Variants in LRBA observed in about 807,000 individuals in gnomAD.
LRBA encodes LPS responsive beige-like anchor protein.
Under a neutral mutation model 330.0 loss-of-function variants are expected in LRBA, and 176 were observed. The observed-to-expected ratio is 0.53, with a 90% CI of 0.47 to 0.60. The LOEUF (loss-of-function observed/expected upper bound fraction) is 0.60, where lower values mean the gene tolerates loss of function less well. Ranked by LOEUF, LRBA falls within the 20% of genes least tolerant of loss-of-function variation. The probability of loss-of-function intolerance (pLI) is 0.00; values close to 1 mark genes in which losing one functional copy is unlikely to be tolerated. For synonymous variants in LRBA, 1,230 were observed against 1,193.0 expected (o/e 1.03, Z -0.64); for missense variants, 3,259 against 3,444.8 (o/e 0.95, Z 1.35).
intron 2 of LRBA, among the ~76,000 whole-genome samples, chr4:150,954,137 T>C (rs1299479397): frequency 6.9e-6 from 1 of 145,084 alleles, no homozygotes; most frequent in Admixed American, 6.8e-5. Context: ...AGCCGCCCCG[T>C]CGGGGAGGTG....
Position 150,949,847 on chromosome 4 carries a change from C to CA in LRBA, c.217-20783dup, listed in dbSNP as rs924380505. ...CTTATCCCTCCCTCCCTACTCCAGC[C>CA]AAAAAAAAATCAGTATATTTAATTA... On this transcript the variant is annotated intron_variant, in intron 2 of 56. Transcript: ENST00000651943. Among the ~76,000 whole-genome samples, 9 of 148,884 alleles carry CA rather than the reference C, an allele frequency of 6.0e-5. No individual in the cohort carries two copies. In the East Asian group the frequency reaches 7.8e-4, roughly 13 times the overall value.
chr4:150,666,342 T>C (rs1393731641), intron 37 of LRBA, among the ~76,000 whole-genome samples: 2 of 151,908 alleles, frequency 1.3e-5, no homozygotes, highest in African/African-American at 4.8e-5. Flanking sequence ...AGACCAGCAG[T>C]CTCTACTAAA....
intron 9 of LRBA, among the ~76,000 whole-genome samples, chr4:150,910,500 G>A (rs1176953369): frequency 6.6e-6 from 1 of 151,970 alleles, no homozygotes. Context: ...GTTTATTTCC[G>A]GACACTCTAT....
At chr4:150,419,418 T>C (rs1748261132) in intron 46 of LRBA, among the ~76,000 whole-genome samples, 1 of 152,096 alleles carries the variant, frequency 6.6e-6, no homozygotes, top group Non-Finnish European at 1.5e-5. Flanking sequence ...GCTAGTTTTC[T>C]AGGTATCACA....
intron 47 of LRBA, among the ~76,000 whole-genome samples, chr4:150,408,768 TATATC>T (rs1291141065): frequency 6.6e-6 from 1 of 152,104 alleles, no homozygotes; most frequent in East Asian, 1.9e-4. Flanking sequence ...ATTTATATAA[TATATC>T]ATATTTCACT....
chr4:150,969,738 G>A (rs968576895), intron 2 of LRBA, among the ~76,000 whole-genome samples: 4 of 152,198 alleles, frequency 2.6e-5, no homozygotes, highest in Admixed American at 2.6e-4. Context: ...CCAAAGTGCT[G>A]AGATTACAGG....
At chr4:150,301,089 G>C (rs1252205553) in intron 53 of LRBA, among the ~76,000 whole-genome samples, 1 of 151,954 alleles carries the variant, frequency 6.6e-6, no homozygotes, top group Non-Finnish European at 1.5e-5. Flanking sequence ...AGGTTTGCCT[G>C]AGATAATTGA....
intron 40 of LRBA, among the ~76,000 whole-genome samples, chr4:150,574,728 T>C (rs1217145373): frequency 6.6e-6 from 1 of 152,046 alleles, no homozygotes; most frequent in Non-Finnish European, 1.5e-5. Context: ...CAGAAAAGAT[T>C]AGATTATTCG....
At chr4:150,416,380 G>C (rs1424438433) in intron 46 of LRBA, among the ~76,000 whole-genome samples, 1 of 152,146 alleles carries the variant, frequency 6.6e-6, no homozygotes, top group Admixed American at 6.5e-5. Context: ...TTTCCAAACA[G>C]TTGAGTAAAA....
intron 47 of LRBA, among the ~76,000 whole-genome samples, chr4:150,364,775 T>C (rs954560147): frequency 6.6e-5 from 10 of 152,126 alleles, no homozygotes; most frequent in Non-Finnish European, 1.2e-4. Context: ...AACTGGAATG[T>C]AAGCTCCTAG....
chr4:150,964,658 C>T (rs978469446), intron 2 of LRBA, among the ~76,000 whole-genome samples: 12 of 151,600 alleles, frequency 7.9e-5, no homozygotes, highest in Admixed American at 5.3e-4. Context: ...ACTCCCTAAT[C>T]TCAAGTACCC....
At chr4:151,005,261 T>C (rs910935610) in intron 2 of LRBA, among the ~76,000 whole-genome samples, 5 of 151,658 alleles carry the variant, frequency 3.3e-5, no homozygotes, top group Admixed American at 1.3e-4. Flanking sequence ...CTGGCCAACA[T>C]AGTGAAAGCC....
intron 40 of LRBA, among the ~76,000 whole-genome samples, chr4:150,550,850 T>C (rs921731214): frequency 1.3e-5 from 2 of 152,216 alleles, no homozygotes; most frequent in African/African-American, 2.4e-5. Flanking sequence ...ATATCAGGGC[T>C]TCCTCATATA....
At chr4:150,507,201 T>A (rs966364272) in intron 40 of LRBA, among the ~76,000 whole-genome samples, 5 of 151,592 alleles carry the variant, frequency 3.3e-5, no homozygotes, top group African/African-American at 9.7e-5. Flanking sequence ...TACCAATGAC[T>A]TTCTTCACAG....
intron 54 of LRBA, 78 bp from the exon 55 acceptor site, chr4:150,282,724 A>C (rs566465221): frequency 9.7e-7 from 1 of 1,036,222 alleles, no homozygotes; most frequent in South Asian, 1.6e-5. Context: ...AGCACAGATC[A>C]AACAGGATTA....
At position 150,818,563 on chromosome 4, in the gene LRBA, T is replaced by C. The variant is rs752099110; in HGVS notation, c.5172-1306A>G. Among the ~76,000 whole-genome samples, 296 of 139,222 alleles carry C rather than the reference T, an allele frequency of 2.1e-3. 3 individuals are homozygous for C. The highest frequency in any genetic ancestry group is 4.2e-3 in the Admixed American group (59 of 14,016). 91.3% of individuals were successfully genotyped at this position (139,222 alleles called of 152,430 possible). On this transcript the variant is annotated intron_variant, in intron 30 of 56. Transcript: ENST00000651943. ...GTGTGTGTGTGTGTGTGTGTGTGTG[T>C]GCGTGCACGAATGTGTGTGTGTACG...
chr4:150,943,214 T>C (rs868705652), intron 2 of LRBA, among the ~76,000 whole-genome samples: 1 of 152,236 alleles, frequency 6.6e-6, no homozygotes, highest in South Asian at 2.1e-4. Context: ...AACTGTGCAG[T>C]AGACATCTTG....
chr4:150,903,881 C>G (rs1662766145), intron 13 of LRBA, among the ~76,000 whole-genome samples: 1 of 152,158 alleles, frequency 6.6e-6, no homozygotes, highest in Non-Finnish European at 1.5e-5. Context: ...GTCTTTCCCA[C>G]TAAATCTAAA....
intron 26 of LRBA, 92 bp from the exon 27 acceptor site, chr4:150,844,871 A>AT: frequency 9.8e-7 from 1 of 1,024,872 alleles, no homozygotes; most frequent in Non-Finnish European, 1.5e-6. Context: ...TATGATTTAC[A>AT]TAAGATTTTA....
Sources: gnomAD v4.1 joint callset for allele counts (sites outside exome capture counted in the v4.1 genomes callset) on GRCh38, gnomAD v4.1.1 for gene constraint, MANE v1.5 for transcripts, NCBI Gene and HGNC (gene_info 2026-07-23, HGNC 2026-07-21) for gene names.